MYOZ2: variants seen among roughly 807,000 people sequenced by gnomAD.
MYOZ2 encodes myozenin-2.
In MYOZ2, 19 loss-of-function variants were observed where a neutral mutation model predicts 25.4. The ratio of observed to expected loss-of-function variants is 0.75; its 90% confidence interval spans 0.52 to 1.10. The LOEUF (loss-of-function observed/expected upper bound fraction) is 1.10, where lower values mean the gene tolerates loss of function less well. MYOZ2 is among the 50% of genes least tolerant of loss of function. MYOZ2 has a pLI of 0.00. For synonymous variants in MYOZ2, 92 were observed against 106.9 expected (o/e 0.86, Z 0.86); for missense variants, 270 against 317.9 (o/e 0.85, Z 1.15).
intron 5 of MYOZ2, among the ~76,000 whole-genome samples, chr4:119,170,981 A>C (rs533122941): frequency 6.6e-6 from 1 of 152,330 alleles, no homozygotes; most frequent in African/African-American, 2.4e-5. Context: ...TCCAACTGAA[A>C]TGATGGGAGA....
chr4:119,142,759 A>G (rs1277999042), intron 2 of MYOZ2, among the ~76,000 whole-genome samples: 2 of 152,344 alleles, frequency 1.3e-5, no homozygotes, highest in Non-Finnish European at 1.5e-5. Flanking sequence ...TTTATTTTTT[A>G]GAGTTTTAGA....
chr4:119,185,155 C>T (rs1174956604), intron 5 of MYOZ2, among the ~76,000 whole-genome samples: 2 of 144,506 alleles, frequency 1.4e-5, no homozygotes, highest in African/African-American at 5.1e-5. Flanking sequence ...CCTTTCGTTT[C>T]CTTTCCCTTC....
intron 4 of MYOZ2, among the ~76,000 whole-genome samples, chr4:119,160,620 T>C (rs1396186251): frequency 5.3e-5 from 8 of 152,170 alleles, no homozygotes; most frequent in Non-Finnish European, 1.0e-4. Flanking sequence ...TATGTTTATA[T>C]ATATTCAGAG....
intron 2 of MYOZ2, among the ~76,000 whole-genome samples, chr4:119,146,985 A>C (rs1036744097): frequency 6.6e-6 from 1 of 152,064 alleles, no homozygotes; most frequent in African/African-American, 2.4e-5. Context: ...TGTTTCTGGT[A>C]ATCTTTGTTG....
At chr4:119,138,576 TA>T (rs1191502576) in intron 2 of MYOZ2, among the ~76,000 whole-genome samples, 1 of 152,184 alleles carries the variant, frequency 6.6e-6, no homozygotes, top group Admixed American at 6.5e-5. Flanking sequence ...TAATTTAAGA[TA>T]AAACATGCAA....
intron 3 of MYOZ2, among the ~76,000 whole-genome samples, chr4:119,152,779 A>G (rs897514261): frequency 4.6e-5 from 7 of 152,180 alleles, no homozygotes; most frequent in Admixed American, 4.6e-4. Flanking sequence ...TATATGCAAT[A>G]AAGTCATATT....
intron 2 of MYOZ2, among the ~76,000 whole-genome samples, chr4:119,146,743 C>T (rs1391525706): frequency 6.6e-6 from 1 of 152,082 alleles, no homozygotes; most frequent in African/African-American, 2.4e-5. Flanking sequence ...CTATTCGTTG[C>T]TAATATTGTA....
intron 3 of MYOZ2, among the ~76,000 whole-genome samples, chr4:119,155,977 C>T (rs1405411194): frequency 6.6e-6 from 1 of 152,052 alleles, no homozygotes; most frequent in Non-Finnish European, 1.5e-5. Context: ...ACTGCTTGTG[C>T]TATATAAGAC....
At chr4:119,154,079 C>G (rs1741516438) in intron 3 of MYOZ2, among the ~76,000 whole-genome samples, 1 of 152,064 alleles carries the variant, frequency 6.6e-6, no homozygotes, top group Admixed American at 6.6e-5. Flanking sequence ...GGGAATTATA[C>G]TATTAAAAGT....
chr4:119,158,193 T>C lies in MYOZ2; in HGVS notation c.376+42T>C, dbSNP rs972087453. 4.4e-6 allele frequency: 7 copies of C among 1,602,016 alleles called. No individual in the cohort carries two copies. In the East Asian group the frequency reaches 6.7e-5, roughly 15 times the overall value. On this transcript the variant is annotated intron_variant, in intron 4 of 5. Coordinates refer to ENST00000307128, the MANE Select transcript of MYOZ2 (RefSeq NM_016599.5). ...CCAACAGAGCAATAAAATTTCTGTG[T>C]ACCTAATGATATGACTCAAGGCATT...
intron 2 of MYOZ2, among the ~76,000 whole-genome samples, chr4:119,140,100 C>G (rs1383795093): frequency 1.3e-5 from 2 of 152,160 alleles, no homozygotes; most frequent in Non-Finnish European, 2.9e-5. Flanking sequence ...GCTGGATTTG[C>G]TGATACATCT....
intron 2 of MYOZ2, among the ~76,000 whole-genome samples, chr4:119,141,616 A>G (rs1336301201): frequency 6.6e-6 from 1 of 152,170 alleles, no homozygotes; most frequent in Non-Finnish European, 1.5e-5. Context: ...TCCTGACCTC[A>G]GGTGATCCAC....
At chr4:119,155,379 C>T (rs1213451261) in intron 3 of MYOZ2, among the ~76,000 whole-genome samples, 1 of 151,994 alleles carries the variant, frequency 6.6e-6, no homozygotes, top group Non-Finnish European at 1.5e-5. Flanking sequence ...ACCCAGGTAA[C>T]AGGAACAAAT....
intron 5 of MYOZ2, among the ~76,000 whole-genome samples, chr4:119,184,727 G>A (rs772707029): frequency 1.3e-5 from 2 of 152,188 alleles, no homozygotes; most frequent in African/African-American, 2.4e-5. Context: ...AAGCAAAAAA[G>A]TTATGTGGGA....
In MYOZ2 at chr4:119,187,772, A is replaced by T. The variant is rs1266609309; in HGVS notation, c.*1572A>T. 6.6e-6 allele frequency: 1 copy of T among 152,196 alleles called. No individual in the cohort carries two copies. Among genetic ancestry groups the T allele is most frequent in the Non-Finnish European group, 1.5e-5 (1 of 68,024 alleles). The allele number at this position is 152,196 out of a possible 1,614,324, so 9.4% of individuals were successfully genotyped here. ...TTTTAATCTTTAAAAAATAAAAATT[A>T]GGCATATTAATTATGCATTTTGATG... On this transcript the variant is annotated 3_prime_UTR_variant, in exon 6 of 6. Transcript: ENST00000307128.
At chr4:119,149,060 T>G (rs967104260) in intron 2 of MYOZ2, among the ~76,000 whole-genome samples, 3 of 152,304 alleles carry the variant, frequency 2.0e-5, no homozygotes, top group African/African-American at 7.2e-5. Flanking sequence ...TAAACCTTCT[T>G]TTTCATCTGT....
At chr4:119,166,472 G>A (rs1242872979) in intron 5 of MYOZ2, among the ~76,000 whole-genome samples, 3 of 150,554 alleles carry the variant, frequency 2.0e-5, no homozygotes, top group Non-Finnish European at 2.9e-5. Context: ...TCACACCACT[G>A]TACTCCCACC....
chr4:119,172,476 G>A (rs945891963), intron 5 of MYOZ2, among the ~76,000 whole-genome samples: 49 of 152,154 alleles, frequency 3.2e-4, no homozygotes, highest in Admixed American at 3.2e-3. Context: ...TCCTGGGTGG[G>A]GGCCACAAGA....
chr4:119,160,753 C>T (rs1186254294), intron 4 of MYOZ2, among the ~76,000 whole-genome samples: 1 of 151,954 alleles, frequency 6.6e-6, no homozygotes, highest in Non-Finnish European at 1.5e-5. Context: ...ACTGTTATAG[C>T]CCTAATTAAT....
Sources: allele counts gnomAD v4.1 joint callset (sites outside exome capture counted in the v4.1 genomes callset), GRCh38; gene constraint gnomAD v4.1.1; transcripts MANE v1.5; gene names NCBI Gene and HGNC (gene_info 2026-07-23, HGNC 2026-07-21).